Variants in CPA5 observed in about 807,000 individuals in gnomAD.
CPA5 encodes the protein carboxypeptidase A5.
Under a neutral mutation model 52.2 loss-of-function variants are expected in CPA5, and 38 were observed. The observed-to-expected ratio is 0.73, with a 90% CI of 0.56 to 0.95. The LOEUF is 0.95. Ranked by LOEUF, CPA5 falls within the 40% of genes least tolerant of loss-of-function variation. The pLI, the probability that CPA5 is intolerant of heterozygous loss-of-function variation, is 0.00. For synonymous variants in CPA5, 198 were observed against 213.7 expected (o/e 0.93, Z 0.64); for missense variants, 519 against 566.7 (o/e 0.92, Z 0.86).
downstream of CPA5, among the ~76,000 whole-genome samples, chr7:130,373,116 A>G (rs11770721): frequency 0.47 from 71,117 of 151,944 alleles, 17,138 homozygotes; most frequent in African/African-American, 0.57. Flanking sequence ...CCAGAGAGAT[A>G]ATGGCGGGGG....
intron 8 of CPA5, 26 bp from the exon 9 acceptor site, chr7:130,362,858 C>T (rs1554407156): frequency 4.0e-6 from 6 of 1,502,938 alleles, no homozygotes; most frequent in Non-Finnish European, 5.5e-6. Flanking sequence ...GTAGGGCCTC[C>T]CATCCCTCCT....
At position 130,363,485 on chromosome 7, in the gene CPA5, A is replaced by G. The variant is rs1316560901; in HGVS notation, c.814A>G (p.Arg272Gly). The G allele has an allele frequency of 3.2e-6, 5 of 1,586,524 alleles. No homozygotes were observed. The highest frequency in any genetic ancestry group is 4.3e-6 in the Non-Finnish European group (5 of 1,166,214). Residue 272 changes from arginine to glycine, a missense_variant, in exon 10 of 13, where the codon AGG (arginine) becomes GGG (glycine). Transcript: ENST00000474905. ...CTTCTGCATCGGCGTGGATCTCAAC[A>G]GGAACTGGAAGTCGGGTTTTGGAGG... ...GIFCIGVDLN[R>G]NWKSGFGGNG...
intron 2 of CPA5, 32 bp downstream of exon 2, chr7:130,345,928 G>A (rs947437212): frequency 9.2e-5 from 14 of 152,268 alleles, no homozygotes; most frequent in African/African-American, 2.4e-4. Flanking sequence ...AACCCCATTT[G>A]ATGGATGAGT....
intron 10 of CPA5, 46 bp from the exon 11 acceptor site, chr7:130,367,326 C>G (rs374255003): frequency 7.1e-6 from 11 of 1,556,044 alleles, no homozygotes; most frequent in Non-Finnish European, 9.7e-6. Flanking sequence ...CCGTCTGTGT[C>G]GCACGTGGGG....
In CPA5 at chr7:130,362,886, T is replaced by G; in HGVS notation, c.639T>G (p.Ile213Met). The G allele has an allele frequency of 6.2e-7, 1 of 1,606,806 alleles. No individual in the cohort carries two copies. Among genetic ancestry groups the G allele is most frequent in the Non-Finnish European group, 8.5e-7 (1 of 1,173,786 alleles). ...TCCCTCCTCACTCTTTCTTGCAGATTGTCAGTGATTATGGCAAAGACCGTG... is the reference window on the plus strand; with the variant it reads ...TCCCTCCTCACTCTTTCTTGCAGATGGTCAGTGATTATGGCAAAGACCGTG... The part of the protein sequence containing the change: ...HATGIWTANK[I>M]VSDYGKDRVL... Residue 213 changes from isoleucine to methionine, a missense_variant and splice_region_variant, in exon 9 of 13, where the codon ATT becomes ATG. By Grantham distance (10) the Ile-to-Met change is conservative. Transcript: ENST00000474905.
intron 5 of CPA5, among the ~76,000 whole-genome samples, chr7:130,357,308 CT>C (rs1374333109): frequency 1.3e-5 from 2 of 152,164 alleles, no homozygotes; most frequent in Non-Finnish European, 2.9e-5. Flanking sequence ...ACCGCTCTTC[CT>C]GACGGGGGTG....
intron 10 of CPA5, among the ~76,000 whole-genome samples, chr7:130,364,188 C>A (rs1795950759): frequency 6.6e-6 from 1 of 151,586 alleles, no homozygotes; most frequent in Admixed American, 6.6e-5. Flanking sequence ...CCACCACACC[C>A]AGCTAATTTT....
At chr7:130,361,343 G>T in intron 7 of CPA5, 99 bp downstream of exon 7, 1 of 825,214 alleles carries the variant, frequency 1.2e-6, no homozygotes, top group Non-Finnish European at 2.0e-6. Flanking sequence ...GTTTTGCGGA[G>T]AAGGACAATT....
intron 8 of CPA5, 51 bp from the exon 9 acceptor site, chr7:130,362,833 C>A: frequency 8.2e-7 from 1 of 1,220,452 alleles, no homozygotes; most frequent in Non-Finnish European, 1.2e-6. Flanking sequence ...CCTGTGCCAC[C>A]TCCCAGGAGA....
At chr7:130,374,278 A>AG in the CPA5 span, among the ~76,000 whole-genome samples, 1 of 151,818 alleles carries the variant, frequency 6.6e-6, no homozygotes, top group South Asian at 2.1e-4. Context: ...CCTTCTGTGG[A>AG]GGGGGCCCCT....
At chr7:130,359,777 A>G in intron 6 of CPA5, 90 bp downstream of exon 6, 1 of 846,882 alleles carries the variant, frequency 1.2e-6, no homozygotes, top group Non-Finnish European at 1.9e-6. Flanking sequence ...GAAGGACTCC[A>G]GGGTTTATGG....
At position 130,368,489 on chromosome 7, in the gene CPA5, T is replaced by G. The variant is rs200122516; in HGVS notation, c.1203T>G (p.Thr401=). Residue 401 remains threonine (T), a synonymous_variant, in exon 13 of 13, where the codon ACT becomes ACG. Coordinates refer to ENST00000474905, the MANE Select transcript of CPA5 (RefSeq NM_080385.5). ...CCTTCAGCTTTGAGCTCCGGGACAC[T>G]GGGCAGTATGGCTTCCTGCTGCCGG... is the stretch of plus-strand genomic sequence containing the variant. ...KYAFSFELRD[T]GQYGFLLPAT... The G allele has an allele frequency of 3.1e-6, 5 of 1,614,024 alleles. No homozygotes were observed. Among genetic ancestry groups the G allele is most frequent in the Non-Finnish European group, 4.2e-6 (5 of 1,180,018 alleles).
intron 9 of CPA5, 115 bp downstream of exon 9, chr7:130,363,109 A>G (rs1795884979): frequency 3.1e-6 from 2 of 652,392 alleles, no homozygotes; most frequent in Non-Finnish European, 5.4e-6. Context: ...GCCCTCACCA[A>G]GGGCAGGAGG....
Position 130,349,991 on chromosome 7 carries a change from G to A in CPA5, c.215G>A (p.Gly72Asp). 6.2e-7 allele frequency: 1 copy of A among 1,613,410 alleles called. No homozygotes were observed. Among genetic ancestry groups the A allele is most frequent in the Non-Finnish European group, 8.5e-7 (1 of 1,179,720 alleles). The change falls in exon 5 of 13, where the codon GGC becomes GAC. Residue 72 changes from glycine to aspartate, a missense_variant. Transcript: ENST00000474905. ...LKPQKVDFWRGPARPSLPVDM... is the reference protein window; with the variant it reads ...LKPQKVDFWRDPARPSLPVDM... ...GTGAACAAGGTGGACTTCTGGCGTG[G>A]CCCAGCCAGGCCCAGCCTCCCTGTG... is the stretch of plus-strand genomic sequence containing the variant.
chr7:130,369,036 G>T (rs1394789850), downstream of CPA5, among the ~76,000 whole-genome samples: 1 of 152,204 alleles, frequency 6.6e-6, no homozygotes, highest in Non-Finnish European at 1.5e-5. Context: ...TTGAGGGAAA[G>T]GTTGGCCCAG....
chr7:130,347,836 A>C lies in CPA5; in HGVS notation c.187A>C (p.Lys63Gln). Residue 63 changes from lysine to glutamine, a missense_variant, in exon 4 of 13, where the codon AAA (lysine) becomes CAA (glutamine). Transcript: ENST00000474905. ...LSLLGDLEGL[K>Q]PQKVDFWRGP... Reference sequence around the variant, plus strand: ...ACTTCTCGGGGATCTGGAGGGCCTGAAACCCCAGAAGGTGAGGACTCCTCA... The same window carrying C: ...ACTTCTCGGGGATCTGGAGGGCCTGCAACCCCAGAAGGTGAGGACTCCTCA... 3 of 1,613,896 alleles carry C rather than the reference A, an allele frequency of 1.9e-6. No homozygotes were observed. The highest frequency in any genetic ancestry group is 2.5e-6 in the Non-Finnish European group (3 of 1,179,886).
At chr7:130,369,524 C>T (rs1307340276), downstream of CPA5, among the ~76,000 whole-genome samples, 9 of 152,190 alleles carry the variant, frequency 5.9e-5, no homozygotes. Context: ...CAGATAACCC[C>T]TAGAAACAGG....
rs1277695066 is a variant in CPA5, at chr7:130,361,091, T to A, written c.433-52T>A. 8 of 1,140,674 alleles carry A rather than the reference T, an allele frequency of 7.0e-6. No individual in the cohort carries two copies. In the African/African-American group the frequency reaches 1.2e-4, roughly 17 times the overall value. 70.7% of individuals were successfully genotyped at this position (1,140,674 alleles called of 1,614,324 possible). A position where few individuals can be genotyped will look rare whatever the true frequency, so the allele number is the denominator to read the frequency against. On this transcript the variant is annotated intron_variant, in intron 6 of 12. Coordinates refer to ENST00000474905, the MANE Select transcript of CPA5 (RefSeq NM_080385.5). ...GAGAACATTCAGAGAGGCCCCAGTG[T>A]TCATCCCTCTTCCTGCTTAACTGCC...
At chr7:130,373,093 C>G (rs1427027957), downstream of CPA5, among the ~76,000 whole-genome samples, 1 of 152,144 alleles carries the variant, frequency 6.6e-6, no homozygotes, top group African/African-American at 2.4e-5. Flanking sequence ...CCCTCTGGGT[C>G]TCCTCAGCAA....
Sources: allele counts gnomAD v4.1 joint callset (sites outside exome capture counted in the v4.1 genomes callset), GRCh38; gene constraint gnomAD v4.1.1; transcripts MANE v1.5; gene names NCBI Gene and HGNC (gene_info 2026-07-23, HGNC 2026-07-21).